RIMS2: variants seen among roughly 807,000 people sequenced by gnomAD.
RIMS2 encodes the protein regulating synaptic membrane exocytosis 2, also known as regulating synaptic membrane exocytosis protein 2.
RIMS2 carries 59 observed loss-of-function variants against 174.4 expected under a neutral mutation model. That is an observed-to-expected ratio of 0.34 (90% CI 0.27 to 0.42). The LOEUF (loss-of-function observed/expected upper bound fraction) is 0.42, where lower values mean the gene tolerates loss of function less well. Ranked by LOEUF, RIMS2 falls within the 10% of genes least tolerant of loss-of-function variation. RIMS2 has a pLI of 1.00. For missense variants in RIMS2, 1,620 were observed against 1,666.3 expected, an observed-to-expected ratio of 0.97 and a Z score of 0.48; for synonymous variants, 606 against 572.5, an observed-to-expected ratio of 1.06 and a Z score of -0.84.
chr8:104,232,712 A>C (rs1295291172), intron 19 of RIMS2, among the ~76,000 whole-genome samples: 4 of 152,200 alleles, frequency 2.6e-5, no homozygotes, highest in Non-Finnish European at 5.9e-5. Context: ...CACTACCCTC[A>C]TTGGAATGAA....
chr8:103,746,152 A>T (rs979896542), intron 2 of RIMS2, among the ~76,000 whole-genome samples: 1 of 152,182 alleles, frequency 6.6e-6, no homozygotes, highest in Non-Finnish European at 1.5e-5. Context: ...GTCCAACTTC[A>T]CTGTTTTGCA....
At chr8:103,826,284 C>G (rs541987609) in intron 3 of RIMS2, among the ~76,000 whole-genome samples, 24 of 151,176 alleles carry the variant, frequency 1.6e-4, no homozygotes, top group South Asian at 1.0e-3. Flanking sequence ...TGTTTGCACT[C>G]TAAAAATCCT....
At chr8:103,879,824 A>G (rs2099158872) in intron 3 of RIMS2, among the ~76,000 whole-genome samples, 1 of 151,684 alleles carries the variant, frequency 6.6e-6, no homozygotes, top group African/African-American at 2.4e-5. Flanking sequence ...TATAACTTTC[A>G]GAGTAGTAAT....
intron 17 of RIMS2, among the ~76,000 whole-genome samples, chr8:104,007,439 C>T (rs541606681): frequency 6.0e-4 from 91 of 152,234 alleles, no homozygotes; most frequent in African/African-American, 1.5e-3. Context: ...TTGTCATAAA[C>T]GGATTCCGAT....
chr8:103,798,274 A>C (rs1427112946), intron 3 of RIMS2, among the ~76,000 whole-genome samples: 1 of 152,204 alleles, frequency 6.6e-6, no homozygotes, highest in Non-Finnish European at 1.5e-5. Context: ...AATATATAAA[A>C]GTAGTCAGAT....
chr8:104,092,055 A>C (rs2097668983), intron 19 of RIMS2, among the ~76,000 whole-genome samples: 5 of 151,762 alleles, frequency 3.3e-5, no homozygotes, highest in Admixed American at 2.6e-4. Flanking sequence ...GGAGCCTTAG[A>C]AATAATTTCT....
At chr8:103,698,511 T>C (rs1244611776) in intron 2 of RIMS2, among the ~76,000 whole-genome samples, 1 of 152,210 alleles carries the variant, frequency 6.6e-6, no homozygotes, top group Non-Finnish European at 1.5e-5. Flanking sequence ...CATATGTTTT[T>C]TATTTTGTTT....
chr8:104,069,491 T>C, intron 19 of RIMS2, among the ~76,000 whole-genome samples: 1 of 132,070 alleles, frequency 7.6e-6, no homozygotes, highest in Non-Finnish European at 1.6e-5. Flanking sequence ...TTTTTTGAGA[T>C]GGAGTCTCAC....
intron 4 of RIMS2, among the ~76,000 whole-genome samples, chr8:103,893,076 A>C (rs1220432550): frequency 2.6e-5 from 4 of 152,054 alleles, no homozygotes; most frequent in African/African-American, 9.7e-5. Context: ...AATAGCAGAT[A>C]AGTTGGGTTT....
In RIMS2 at chr8:103,652,758, A is replaced by G. The variant is rs186172486; in HGVS notation, c.177-44328A>G. On this transcript the variant is annotated intron_variant, in intron 1 of 23. Coordinates refer to ENST00000504942, the Ensembl canonical transcript of RIMS2. ...ACTAAATATTATCTCTGATAGTATA[A>G]CATACTGAAAAGTATGTGTTAAAAT... The G allele has an allele frequency of 5.9e-5, 64 of 1,089,930 alleles. 1 individual carries two copies. The highest frequency in any genetic ancestry group is 2.5e-6 in the Non-Finnish European group (2 of 797,194). The allele number at this position is 1,089,930 out of a possible 1,614,324, so 67.5% of individuals were successfully genotyped here. A position where few individuals can be genotyped will look rare whatever the true frequency, so the allele number is the denominator to read the frequency against.
intron 1 of RIMS2, among the ~76,000 whole-genome samples, chr8:103,504,185 C>A (rs1822120821): frequency 6.6e-6 from 1 of 151,486 alleles, no homozygotes; most frequent in Non-Finnish European, 1.5e-5. Flanking sequence ...TTTTTTCAAT[C>A]TTCCAAGACA....
chr8:103,751,174 C>T (rs1016455065), intron 2 of RIMS2, among the ~76,000 whole-genome samples: 5 of 152,076 alleles, frequency 3.3e-5, no homozygotes, highest in Non-Finnish European at 5.9e-5. Context: ...TCAGTTCCCA[C>T]GCATGAGTGA....
At chr8:103,747,285 T>G (rs1398004716) in intron 2 of RIMS2, among the ~76,000 whole-genome samples, 1 of 136,216 alleles carries the variant, frequency 7.3e-6, no homozygotes, top group East Asian at 2.2e-4. Context: ...ATGATCCCCT[T>G]CCTGTGTCCA....
chr8:103,510,689 TC>T (rs1466803693), intron 1 of RIMS2, among the ~76,000 whole-genome samples: 1 of 152,172 alleles, frequency 6.6e-6, no homozygotes, highest in Admixed American at 6.5e-5. Flanking sequence ...TGACCTTTCT[TC>T]TGTCATTGCA....
chr8:103,926,978 A>C (rs1232469741), intron 10 of RIMS2, among the ~76,000 whole-genome samples: 1 of 151,484 alleles, frequency 6.6e-6, no homozygotes, highest in African/African-American at 2.4e-5. Context: ...TTGTTTGAGT[A>C]TGGGCAAGTA....
chr8:103,817,802 A>G (rs915284762), intron 3 of RIMS2, among the ~76,000 whole-genome samples: 2 of 152,060 alleles, frequency 1.3e-5, no homozygotes, highest in African/African-American at 2.4e-5. Context: ...ATTTAAAAAT[A>G]AATAAATAAA....
chr8:103,571,757 C>T (rs997052380), intron 1 of RIMS2, among the ~76,000 whole-genome samples: 7 of 152,256 alleles, frequency 4.6e-5, no homozygotes, highest in African/African-American at 1.7e-4. Context: ...CAATAGGTAA[C>T]TGGATTCAGA....
intron 1 of RIMS2, among the ~76,000 whole-genome samples, chr8:103,547,235 C>G (rs1845541170): frequency 6.6e-6 from 1 of 152,056 alleles, no homozygotes; most frequent in East Asian, 1.9e-4. Context: ...TTTTCTTGGT[C>G]TCATGTTATC....
chr8:104,130,787 C>G (rs73299435), intron 19 of RIMS2, among the ~76,000 whole-genome samples: 54 of 152,198 alleles, frequency 3.5e-4, no homozygotes, highest in African/African-American at 1.3e-3. Flanking sequence ...CACAGAGGAA[C>G]TCTTATTCAA....
Sources: gnomAD v4.1 joint callset for allele counts (sites outside exome capture counted in the v4.1 genomes callset) on GRCh38, gnomAD v4.1.1 for gene constraint, MANE v1.5 for transcripts, NCBI Gene and HGNC (gene_info 2026-07-23, HGNC 2026-07-21) for gene names.